ZZEF1: variants seen among roughly 807,000 people sequenced by gnomAD.
ZZEF1 encodes the protein zinc finger ZZ-type and EF-hand domain-containing protein 1.
Under a neutral mutation model 342.8 loss-of-function variants are expected in ZZEF1, and 157 were observed. The ratio of observed to expected loss-of-function variants is 0.46; its 90% confidence interval spans 0.40 to 0.52. The LOEUF is 0.52. ZZEF1 is among the 20% of genes least tolerant of loss of function. ZZEF1 has a pLI of 0.00. For synonymous variants in ZZEF1, 1,505 were observed against 1,429.1 expected (o/e 1.05, Z -1.20); for missense variants, 3,480 against 3,725.6 (o/e 0.93, Z 1.72).
At chr17:4,123,308 TA>T (rs1202224700) in intron 2 of ZZEF1, among the ~76,000 whole-genome samples, 154 of 129,646 alleles carry the variant, frequency 1.2e-3, no homozygotes, top group Non-Finnish European at 2.2e-3. Flanking sequence ...TATATATATA[TA>T]TCAGAAAAAT....
chr17:4,075,144 G>C lies in ZZEF1; in HGVS notation c.3436C>G (p.Arg1146Gly). Residue 1146 changes from arginine to glycine, a missense_variant, in exon 23 of 55, where the codon CGG becomes GGG. By Grantham distance (125) the Arg-to-Gly change is moderately radical. Transcript: ENST00000381638. ...DYLEFTDARG[R>G]KTRYDTKVGT... ...ACTTTTGTGTCATAGCGTGTTTTCC[G>C]ACCTCTAGCGTCGGTAAATTCCAGA... 1 of 1,614,176 alleles carries C rather than the reference G, an allele frequency of 6.2e-7. No homozygotes were observed. The highest frequency in any genetic ancestry group is 8.5e-7 in the Non-Finnish European group (1 of 1,180,030).
chr17:4,128,714 G>A (rs889615469), intron 1 of ZZEF1, among the ~76,000 whole-genome samples: 2 of 151,062 alleles, frequency 1.3e-5, no homozygotes, highest in Non-Finnish European at 2.9e-5. Context: ...TGCCTGCCTC[G>A]GCCTCCCAAA....
In ZZEF1 at chr17:4,104,616, T is replaced by C. The variant is rs868244366; in HGVS notation, c.1573+17A>G. 2.5e-6 allele frequency: 4 copies of C among 1,612,380 alleles called. No individual in the cohort carries two copies. Among genetic ancestry groups the C allele is most frequent in the East Asian group, 2.2e-5 (1 of 44,876 alleles). ...ACTGTTGACATTTCTATCACCCCCA[T>C]GTTTTACCATATTTACCATATTTGA... On this transcript the variant is annotated intron_variant, in intron 8 of 54. Coordinates refer to ENST00000381638, the MANE Select transcript of ZZEF1 (RefSeq NM_015113.4).
In ZZEF1 at chr17:4,036,078, CA is replaced by C. The variant is rs34564566; in HGVS notation, c.6307-1787del. On this transcript the variant is annotated intron_variant, in intron 39 of 54. Coordinates refer to ENST00000381638, the MANE Select transcript of ZZEF1 (RefSeq NM_015113.4). The stretch of plus-strand genomic sequence containing the variant: ...TTGCACCACTGCACTACAGCCTGTC[CA>C]AAAAAAAAAAAAAAAAGAGTCGAAA... Among the ~76,000 whole-genome samples, 519 of 92,726 alleles carry C rather than the reference CA, an allele frequency of 5.6e-3. 2 individuals are homozygous for C. The highest frequency in any genetic ancestry group is 0.013 in the African/African-American group (374 of 28,286). The allele number at this position is 92,726 out of a possible 152,430, so 60.8% of individuals were successfully genotyped here.
chr17:4,018,084 G>A (rs1462072497), intron 46 of ZZEF1, 113 bp from the exon 47 acceptor site: 1 of 1,377,270 alleles, frequency 7.3e-7, no homozygotes, highest in African/African-American at 1.4e-5. Flanking sequence ...TAGTATCAAT[G>A]ACATTATCAT....
intron 1 of ZZEF1, among the ~76,000 whole-genome samples, chr17:4,133,972 TG>T (rs2058709372): frequency 6.6e-6 from 1 of 152,216 alleles, no homozygotes; most frequent in African/African-American, 2.4e-5. Flanking sequence ...CCCAGACTGC[TG>T]GATTTATCGG....
At chr17:4,027,176 G>T (rs1468966208) in intron 42 of ZZEF1, among the ~76,000 whole-genome samples, 2 of 151,408 alleles carry the variant, frequency 1.3e-5, no homozygotes, top group Non-Finnish European at 2.9e-5. Context: ...GGGTCTTGCT[G>T]TGTTGCCCAG....
At position 4,021,140 on chromosome 17, in the gene ZZEF1, T is replaced by C. The variant is rs1390143492; in HGVS notation, c.7393A>G (p.Ile2465Val). ...PLEGLDEPTR[I>V]CFLMAHDALN... ...ACTCAAGAACACACCAAGAAACATA[T>C]TCTGGTGGGCTCATCCAGGCCCTCA... The change falls in exon 45 of 55, where the codon ATA becomes GTA. Residue 2465 changes from isoleucine to valine, a missense_variant. By Grantham distance (29) the Ile-to-Val change is conservative. Coordinates refer to ENST00000381638, the MANE Select transcript of ZZEF1 (RefSeq NM_015113.4). 1 of 1,611,280 alleles carries C rather than the reference T, an allele frequency of 6.2e-7. No individual in the cohort carries two copies. The highest frequency in any genetic ancestry group is 1.3e-5 in the African/African-American group (1 of 74,806).
At chr17:4,047,642 C>CA (rs759205311) in intron 37 of ZZEF1, among the ~76,000 whole-genome samples, 3 of 145,274 alleles carry the variant, frequency 2.1e-5, no homozygotes, top group East Asian at 4.0e-4. Context: ...GACCCTGTCT[C>CA]AAAAAAAATA....
At chr17:4,098,407 G>C (rs2058075511) in intron 9 of ZZEF1, among the ~76,000 whole-genome samples, 1 of 152,096 alleles carries the variant, frequency 6.6e-6, no homozygotes, top group African/African-American at 2.4e-5. Context: ...GTGAGACCCT[G>C]TCTCAAATGA....
rs2055811752 is a variant in ZZEF1, at chr17:4,006,848, C to T, written c.*42G>A. 7 of 1,549,794 alleles carry T rather than the reference C, an allele frequency of 4.5e-6. No individual in the cohort carries two copies. Among genetic ancestry groups the T allele is most frequent in the Non-Finnish European group, 6.1e-6 (7 of 1,143,028 alleles). On this transcript the variant is annotated 3_prime_UTR_variant, in exon 55 of 55. Coordinates refer to ENST00000381638, the MANE Select transcript of ZZEF1 (RefSeq NM_015113.4). ...GAGGTTAGATGTCTGCTCTAAAATC[C>T]CTGTGGCAGATGAACTAGTCCCATG...
At chr17:4,117,282 T>C (rs1338236800) in intron 2 of ZZEF1, 116 bp from the exon 3 acceptor site, 1 of 748,764 alleles carries the variant, frequency 1.3e-6, no homozygotes, top group Non-Finnish European at 2.1e-6. Flanking sequence ...ACAATCTTCA[T>C]TGATATTTTC....
At chr17:4,011,680 T>C (rs908184756) in intron 52 of ZZEF1, among the ~76,000 whole-genome samples, 1 of 152,152 alleles carries the variant, frequency 6.6e-6, no homozygotes, top group Non-Finnish European at 1.5e-5. Context: ...TATAATTATA[T>C]AATATTGGAT....
chr17:4,004,516 T>G lies in ZZEF1; in HGVS notation c.*2374A>C, dbSNP rs2144897888. On this transcript the variant is annotated 3_prime_UTR_variant, in exon 55 of 55. Transcript: ENST00000381638. ...TATTTTACCCACAGCTTAACATCCT[T>G]TTTACAGGCTGAACTCACTCAGGCT... The G allele has an allele frequency of 6.6e-6, 1 of 152,630 alleles. No homozygotes were observed. The highest frequency in any genetic ancestry group is 2.4e-5 in the African/African-American group (1 of 41,572). 9.5% of individuals were successfully genotyped at this position (152,630 alleles called of 1,614,324 possible). A position where few individuals can be genotyped will look rare whatever the true frequency, so the allele number is the denominator to read the frequency against.
chr17:4,012,086 CTG>C (rs1450344281), intron 52 of ZZEF1, among the ~76,000 whole-genome samples: 1 of 152,258 alleles, frequency 6.6e-6, no homozygotes. Flanking sequence ...GGCCAGCAGA[CTG>C]TGCAGGCTGC....
At position 4,142,815 on chromosome 17, in the gene ZZEF1, C is replaced by G. The variant is rs2058889809; in HGVS notation, c.81G>C (p.Trp27Cys). 7 of 1,410,282 alleles carry G rather than the reference C, an allele frequency of 5.0e-6. No homozygotes were observed. Among genetic ancestry groups the G allele is most frequent in the Non-Finnish European group, 2.7e-6 (3 of 1,094,488 alleles). The allele number at this position is 1,410,282 out of a possible 1,614,324, so 87.4% of individuals were successfully genotyped here. Residue 27 changes from tryptophan to cysteine, a missense_variant, in exon 1 of 55, where the codon TGG becomes TGC. By Grantham distance (215) the Trp-to-Cys change is radical. Coordinates refer to ENST00000381638, the MANE Select transcript of ZZEF1 (RefSeq NM_015113.4). ...GGEGWGPHQD[W>C]AAVSGTTPGP... is the part of the protein sequence containing the mutation. ...CGGGGGTCGTGCCCGAGACCGCGGC[C>G]CAGTCCTGGTGTGGGCCCCAGCCCT...
At chr17:4,049,984 T>G (rs2057010815) in intron 36 of ZZEF1, 125 bp from the exon 37 acceptor site, 4 of 1,083,772 alleles carry the variant, frequency 3.7e-6, no homozygotes, top group Non-Finnish European at 5.2e-6. Context: ...AACCAAATCC[T>G]AGAGGACTCA....
Position 4,104,700 on chromosome 17 carries a change from C to A in ZZEF1, c.1506G>T (p.Thr502=). Residue 502 remains threonine, a synonymous_variant, in exon 8 of 55, where the codon ACG becomes ACT. Transcript: ENST00000381638. ...SLCTITDHLD[T]QYDASSLILS... ...AGATGAGGGATGAGGCATCATACTG[C>A]GTGTCCAGATGGTCAGTGATGGTGC... 2 of 1,614,142 alleles carry A rather than the reference C, an allele frequency of 1.2e-6. No homozygotes were observed. Among genetic ancestry groups the A allele is most frequent in the South Asian group, 1.1e-5 (1 of 91,078 alleles).
At chr17:4,065,234 A>T (rs1295170010) in intron 28 of ZZEF1, among the ~76,000 whole-genome samples, 3 of 151,964 alleles carry the variant, frequency 2.0e-5, no homozygotes, top group Non-Finnish European at 4.4e-5. Context: ...CAATCTCTAT[A>T]AAAAAACAAT....
Sources: allele counts gnomAD v4.1 joint callset (sites outside exome capture counted in the v4.1 genomes callset), GRCh38; gene constraint gnomAD v4.1.1; transcripts MANE v1.5; gene names NCBI Gene and HGNC (gene_info 2026-07-23, HGNC 2026-07-21).